The following KCNN2 variants were observed in gnomAD, a reference collection of about 807,000 sequenced individuals.
KCNN2 encodes the protein small conductance calcium-activated potassium channel protein 2.
A neutral mutation model predicts 55.5 loss-of-function variants in KCNN2; 24 were observed. The observed-to-expected ratio is 0.43, with a 90% CI of 0.31 to 0.61. The LOEUF is 0.61. KCNN2 is among the 20% of genes least tolerant of loss of function. The pLI, the probability that KCNN2 is intolerant of heterozygous loss-of-function variation, is 0.08. For missense variants in KCNN2, 754 were observed against 853.6 expected, an observed-to-expected ratio of 0.88 and a Z score of 1.45; for synonymous variants, 431 against 336.1, an observed-to-expected ratio of 1.28 and a Z score of -3.09.
intron 2 of KCNN2, among the ~76,000 whole-genome samples, chr5:114,281,132 A>T (rs1348363134): frequency 6.6e-6 from 1 of 152,074 alleles, no homozygotes; most frequent in Non-Finnish European, 1.5e-5. Flanking sequence ...CCTTCTACTC[A>T]GGTTTTGCCT....
intron 2 of KCNN2, among the ~76,000 whole-genome samples, chr5:114,402,691 G>T (rs1402329696): frequency 6.6e-6 from 1 of 152,210 alleles, no homozygotes; most frequent in Non-Finnish European, 1.5e-5. Context: ...CGGCCCTCGA[G>T]GAAAACAACC....
At chr5:114,063,655 G>C (rs964555586) in intron 1 of KCNN2, among the ~76,000 whole-genome samples, 2 of 152,170 alleles carry the variant, frequency 1.3e-5, no homozygotes, top group African/African-American at 4.8e-5. Context: ...AAATTCATCA[G>C]AACATGACTA....
At chr5:114,382,229 A>G (rs941139143) in intron 2 of KCNN2, among the ~76,000 whole-genome samples, 4 of 152,184 alleles carry the variant, frequency 2.6e-5, no homozygotes, top group Non-Finnish European at 5.9e-5. Context: ...TGCCTTCAAG[A>G]GCTGTTAAAA....
intron 4 of KCNN2, among the ~76,000 whole-genome samples, chr5:114,472,419 A>G (rs1580890856): frequency 6.6e-6 from 1 of 152,288 alleles, no homozygotes; most frequent in East Asian, 1.9e-4. Context: ...TGCCTTTCCT[A>G]GTGTCATGTT....
intron 1 of KCNN2, among the ~76,000 whole-genome samples, chr5:114,158,113 C>T (rs1479666559): frequency 6.6e-6 from 1 of 152,048 alleles, no homozygotes; most frequent in Non-Finnish European, 1.5e-5. Context: ...CCTAGGTTTT[C>T]TTCTAGGGTT....
intron 1 of KCNN2, among the ~76,000 whole-genome samples, chr5:114,151,648 A>AT (rs1046307700): frequency 1.1e-4 from 16 of 152,150 alleles, no homozygotes; most frequent in South Asian, 8.3e-4. Context: ...AAGGTTAGTG[A>AT]TTTTTTTTAA....
intron 1 of KCNN2, among the ~76,000 whole-genome samples, chr5:114,171,073 C>T (rs1417918034): frequency 1.3e-5 from 2 of 151,916 alleles, no homozygotes; most frequent in African/African-American, 4.8e-5. Context: ...CTGATCCTGA[C>T]TCTCTATCTT....
At chr5:114,493,374 C>T in intron 6 of KCNN2, 29 bp from the exon 7 acceptor site, 1 of 1,397,966 alleles carries the variant, frequency 7.2e-7, no homozygotes. Flanking sequence ...AAGAAGGGAA[C>T]CTTTCTGATA....
chr5:114,192,437 C>T (rs1362500532), intron 1 of KCNN2, among the ~76,000 whole-genome samples: 1 of 152,082 alleles, frequency 6.6e-6, no homozygotes, highest in East Asian at 1.9e-4. Flanking sequence ...ATTAGCTTTT[C>T]CTTTCTTTTT....
At chr5:114,422,981 G>A (rs1271904389) in intron 3 of KCNN2, among the ~76,000 whole-genome samples, 1 of 152,214 alleles carries the variant, frequency 6.6e-6, no homozygotes, top group Non-Finnish European at 1.5e-5. Flanking sequence ...GGCAAATAAA[G>A]TTAAAACATA....
At chr5:114,168,941 G>C (rs187601656) in intron 1 of KCNN2, among the ~76,000 whole-genome samples, 5 of 152,198 alleles carry the variant, frequency 3.3e-5, no homozygotes, top group Admixed American at 2.0e-4. Flanking sequence ...GGTAGGGCCT[G>C]GTGGGAGGTG....
chr5:114,091,744 G>T (rs1751148394), intron 1 of KCNN2, among the ~76,000 whole-genome samples: 1 of 152,158 alleles, frequency 6.6e-6, no homozygotes, highest in Non-Finnish European at 1.5e-5. Flanking sequence ...GCAGGAAGGA[G>T]AATGAACACA....
At chr5:114,483,669 C>T (rs573507264) in intron 5 of KCNN2, among the ~76,000 whole-genome samples, 15 of 151,608 alleles carry the variant, frequency 9.9e-5, no homozygotes, top group East Asian at 5.8e-4. Flanking sequence ...ACTTTGATTA[C>T]GGTTGATTAC....
intron 2 of KCNN2, among the ~76,000 whole-genome samples, chr5:114,339,843 A>AAATG (rs1481518417): frequency 5.9e-4 from 89 of 151,848 alleles, no homozygotes; most frequent in African/African-American, 2.1e-3. Context: ...ATAAATAAAT[A>AAATG]AATAAAAATG....
At chr5:114,128,266 G>T (rs1006214224) in intron 1 of KCNN2, among the ~76,000 whole-genome samples, 1 of 152,148 alleles carries the variant, frequency 6.6e-6, no homozygotes, top group Non-Finnish European at 1.5e-5. Context: ...CAGCGTGGCT[G>T]GGGAGGCCTC....
intron 1 of KCNN2, among the ~76,000 whole-genome samples, chr5:114,089,495 G>A (rs1751092521): frequency 6.6e-6 from 1 of 152,152 alleles, no homozygotes; most frequent in Admixed American, 6.5e-5. Flanking sequence ...TCTTTGGCAG[G>A]CCTTGTGGAA....
intron 1 of KCNN2, among the ~76,000 whole-genome samples, chr5:114,205,419 T>A (rs1371384060): frequency 6.6e-6 from 1 of 152,232 alleles, no homozygotes; most frequent in Non-Finnish European, 1.5e-5. Flanking sequence ...TTTGTCTTTT[T>A]TGGATCATTC....
At chr5:114,130,479 G>A (rs1311239707) in intron 1 of KCNN2, among the ~76,000 whole-genome samples, 1 of 152,286 alleles carries the variant, frequency 6.6e-6, no homozygotes, top group African/African-American at 2.4e-5. Flanking sequence ...TCTCTTGCTT[G>A]TCTACCAAAA....
intron 2 of KCNN2, among the ~76,000 whole-genome samples, chr5:114,291,583 C>A (rs1755889653): frequency 6.6e-6 from 1 of 152,210 alleles, no homozygotes; most frequent in African/African-American, 2.4e-5. Context: ...CTAATCCAGT[C>A]TATCATTGTT....
Sources: gnomAD v4.1 joint callset for allele counts (sites outside exome capture counted in the v4.1 genomes callset) on GRCh38, gnomAD v4.1.1 for gene constraint, MANE v1.5 for transcripts, NCBI Gene and HGNC (gene_info 2026-07-23, HGNC 2026-07-21) for gene names.